SPIDR: variants seen among roughly 807,000 people sequenced by gnomAD.
SPIDR encodes the protein scaffold protein involved in DNA repair.
Under a neutral mutation model 104.6 loss-of-function variants are expected in SPIDR, and 93 were observed. That is an observed-to-expected ratio of 0.89 (90% CI 0.75 to 1.06). The LOEUF is 1.06. Ranked by LOEUF, SPIDR falls within the 50% of genes least tolerant of loss-of-function variation. The probability of loss-of-function intolerance (pLI) is 0.00; values close to 1 mark genes in which losing one functional copy is unlikely to be tolerated. For missense variants in SPIDR, 1,154 were observed against 1,111.2 expected (o/e 1.04, Z -0.55); for synonymous variants, 431 against 416.9 (o/e 1.03, Z -0.41).
At chr8:47,481,451 A>G (rs1160759701) in intron 8 of SPIDR, among the ~76,000 whole-genome samples, 1 of 152,190 alleles carries the variant, frequency 6.6e-6, no homozygotes, top group Non-Finnish European at 1.5e-5. Context: ...AGCCTGGCCA[A>G]CATGGAGAAA....
chr8:47,405,646 G>A (rs1174160856), intron 6 of SPIDR, among the ~76,000 whole-genome samples: 2 of 152,118 alleles, frequency 1.3e-5, no homozygotes, highest in African/African-American at 2.4e-5. Context: ...AGATAATTAG[G>A]ATATCTTAAC....
chr8:47,625,453 G>C (rs2065905272), intron 10 of SPIDR, among the ~76,000 whole-genome samples: 1 of 152,206 alleles, frequency 6.6e-6, no homozygotes, highest in African/African-American at 2.4e-5. Context: ...AATTGTCCCT[G>C]TTTACAGATG....
intron 5 of SPIDR, among the ~76,000 whole-genome samples, chr8:47,342,041 G>T (rs1473631575): frequency 1.3e-5 from 2 of 152,094 alleles, no homozygotes; most frequent in Non-Finnish European, 2.9e-5. Flanking sequence ...TCTCGAAAAA[G>T]ATATTTTATG....
chr8:47,579,398 G>A (rs759415228), intron 8 of SPIDR, among the ~76,000 whole-genome samples: 1 of 152,202 alleles, frequency 6.6e-6, no homozygotes, highest in Non-Finnish European at 1.5e-5. Flanking sequence ...TTTCTGCATT[G>A]ATGGAAATGT....
At chr8:47,414,144 C>G (rs1476705120) in intron 7 of SPIDR, among the ~76,000 whole-genome samples, 1 of 152,056 alleles carries the variant, frequency 6.6e-6, no homozygotes, top group Non-Finnish European at 1.5e-5. Flanking sequence ...GTCCTAAAGT[C>G]TTATGATTTT....
rs374567283 is a variant in SPIDR at position 47,316,606 on chromosome 8, G to T, written c.525+22576G>T. Among the ~76,000 whole-genome samples the T allele has an allele frequency of 1.7e-4, 26 of 152,244 alleles. 1 individual carries two copies. Among genetic ancestry groups the T allele is most frequent in the African/African-American group, 6.0e-4 (25 of 41,580 alleles). Reference sequence around the variant, plus strand: ...GGTGAAAGAAACCTTACACAAAAGAGTACATTCTGTATTCCATTTACATCG... The same window carrying T: ...GGTGAAAGAAACCTTACACAAAAGATTACATTCTGTATTCCATTTACATCG... On this transcript the variant is annotated intron_variant, in intron 5 of 19. Transcript: ENST00000297423.
intron 10 of SPIDR, among the ~76,000 whole-genome samples, chr8:47,604,350 G>C (rs992501934): frequency 6.6e-6 from 1 of 152,200 alleles, no homozygotes; most frequent in African/African-American, 2.4e-5. Flanking sequence ...TCCCAGGCAC[G>C]CAACCGGCCA....
chr8:47,458,840 G>C (rs538287935), intron 8 of SPIDR, among the ~76,000 whole-genome samples: 1 of 152,192 alleles, frequency 6.6e-6, no homozygotes, highest in South Asian at 2.1e-4. Flanking sequence ...AGGGATGCCA[G>C]ATTTTGAGGG....
intron 7 of SPIDR, among the ~76,000 whole-genome samples, chr8:47,416,543 A>G (rs906959455): frequency 1.3e-5 from 2 of 152,162 alleles, no homozygotes; most frequent in Non-Finnish European, 2.9e-5. Flanking sequence ...TAAATGATCA[A>G]GATTGCGATT....
intron 5 of SPIDR, among the ~76,000 whole-genome samples, chr8:47,302,573 G>T (rs2042301278): frequency 6.6e-6 from 1 of 152,136 alleles, no homozygotes; most frequent in Non-Finnish European, 1.5e-5. Context: ...CATCTTTGTA[G>T]TTTTATGTAC....
intron 5 of SPIDR, among the ~76,000 whole-genome samples, chr8:47,391,471 G>A (rs1447280013): frequency 6.6e-6 from 1 of 152,036 alleles, no homozygotes; most frequent in African/African-American, 2.4e-5. Flanking sequence ...TCCCAGGAGA[G>A]TCAAGGCTGC....
chr8:47,524,449 C>T (rs1036964850), intron 8 of SPIDR, among the ~76,000 whole-genome samples: 3 of 152,304 alleles, frequency 2.0e-5, no homozygotes, highest in South Asian at 2.1e-4. Context: ...ATCCTATAGT[C>T]GCAGCACTAT....
At position 47,685,191 on chromosome 8, in the gene SPIDR, CAA is replaced by C. The variant is rs200848507; in HGVS notation, c.1685+11251_1685+11252del. On this transcript the variant is annotated intron_variant, in intron 11 of 19. Coordinates refer to ENST00000297423, the MANE Select transcript of SPIDR (RefSeq NM_001080394.4). ...TGCCATTGCACTCCAGCCTGGGCAA[CAA>C]GAGCAAAACTCCGTCTCAAAAAACA... Among the ~76,000 whole-genome samples, 5 of 152,092 alleles carry C rather than the reference CAA, an allele frequency of 3.3e-5. No homozygotes were observed. The East Asian group carries it at 9.6e-4, about 29-fold the overall frequency.
intron 5 of SPIDR, among the ~76,000 whole-genome samples, chr8:47,382,732 A>T (rs2059463211): frequency 6.6e-6 from 1 of 152,150 alleles, no homozygotes; most frequent in Admixed American, 6.5e-5. Context: ...TATTTTTTTT[A>T]AAGAAAAAGT....
At chr8:47,297,266 C>T (rs907076923) in intron 5 of SPIDR, among the ~76,000 whole-genome samples, 7 of 152,242 alleles carry the variant, frequency 4.6e-5, no homozygotes, top group Middle Eastern at 3.4e-3. Context: ...GTGGCAAGAG[C>T]GGGCATTCTT....
At chr8:47,348,460 C>G (rs1016930975) in intron 5 of SPIDR, among the ~76,000 whole-genome samples, 1 of 152,020 alleles carries the variant, frequency 6.6e-6, no homozygotes, top group African/African-American at 2.4e-5. Context: ...ATCTTTGTGT[C>G]GTTCTCTGTA....
chr8:47,616,045 T>A (rs576889131), intron 10 of SPIDR, among the ~76,000 whole-genome samples: 2 of 152,372 alleles, frequency 1.3e-5, no homozygotes, highest in East Asian at 3.8e-4. Flanking sequence ...GCAACTTTGC[T>A]GAAGTTTTTA....
intron 8 of SPIDR, among the ~76,000 whole-genome samples, chr8:47,476,549 C>T (rs1310239801): frequency 1.3e-5 from 2 of 152,052 alleles, no homozygotes; most frequent in Non-Finnish European, 2.9e-5. Flanking sequence ...CCTTCTGTTC[C>T]TCCTGAGACA....
chr8:47,352,542 T>G (rs1205896159), intron 5 of SPIDR, among the ~76,000 whole-genome samples: 2 of 152,068 alleles, frequency 1.3e-5, no homozygotes, highest in African/African-American at 4.8e-5. Flanking sequence ...TTGTGGTGGA[T>G]TCTGCCAGCG....
Sources: allele counts gnomAD v4.1 joint callset (sites outside exome capture counted in the v4.1 genomes callset), GRCh38; gene constraint gnomAD v4.1.1; transcripts MANE v1.5; gene names NCBI Gene and HGNC (gene_info 2026-07-23, HGNC 2026-07-21).